Variants in AFG2A observed in about 807,000 individuals in gnomAD.
The protein encoded by AFG2A is ATPase family gene 2 protein homolog A.
chr4:123,162,965 GTTATTATCTGAAAAGGTT>G, the AFG2A span, among the ~76,000 whole-genome samples: 3 of 152,252 alleles, frequency 2.0e-5, no homozygotes, highest in African/African-American at 7.2e-5. Context: ...AATTATTAAT[GTTATTATCTGAAAAGGTT>G]TTAACAAGCA....
At chr4:123,000,346 A>G in the AFG2A span, among the ~76,000 whole-genome samples, 1 of 150,740 alleles carries the variant, frequency 6.6e-6, no homozygotes, top group Non-Finnish European at 1.5e-5. Flanking sequence ...ACTATGTTGA[A>G]TAGGAGTGGT....
At chr4:123,011,301 G>A in the AFG2A span, among the ~76,000 whole-genome samples, 1 of 152,202 alleles carries the variant, frequency 6.6e-6, no homozygotes, top group African/African-American at 2.4e-5. Flanking sequence ...TCTTGGCAGA[G>A]TAGGCTTTTT....
chr4:123,268,672 T>A, the AFG2A span, among the ~76,000 whole-genome samples: 1 of 152,140 alleles, frequency 6.6e-6, no homozygotes, highest in African/African-American at 2.4e-5. Flanking sequence ...AACCATGAAA[T>A]CATATGTGAA....
chr4:123,272,403 T>G, the AFG2A span, among the ~76,000 whole-genome samples: 1 of 152,226 alleles, frequency 6.6e-6, no homozygotes, highest in African/African-American at 2.4e-5. Flanking sequence ...ATTTGCTGTT[T>G]ACCAATATGA....
At chr4:123,152,917 C>G in the AFG2A span, among the ~76,000 whole-genome samples, 1 of 152,210 alleles carries the variant, frequency 6.6e-6, no homozygotes, top group Non-Finnish European at 1.5e-5. Flanking sequence ...ATTTCTTTAA[C>G]AGCGGTTATA....
At chr4:123,278,039 G>A in the AFG2A span, among the ~76,000 whole-genome samples, 3 of 152,252 alleles carry the variant, frequency 2.0e-5, no homozygotes, top group East Asian at 5.8e-4. Flanking sequence ...AATAGTTTCG[G>A]TAGGAATGGT....
At chr4:123,002,309 A>T in the AFG2A span, among the ~76,000 whole-genome samples, 29 of 152,066 alleles carry the variant, frequency 1.9e-4, 1 homozygote, top group South Asian at 5.8e-3. Flanking sequence ...TTTACATTTA[A>T]AGTTAATATC....
chr4:123,044,117 A>G, the AFG2A span, among the ~76,000 whole-genome samples: 2 of 119,450 alleles, frequency 1.7e-5, no homozygotes, highest in Non-Finnish European at 4.2e-5. Context: ...TCTTGATCCC[A>G]CTTGTTTACA....
the AFG2A span, among the ~76,000 whole-genome samples, chr4:123,163,473 CT>C: frequency 1.3e-5 from 2 of 152,112 alleles, no homozygotes; most frequent in African/African-American, 2.4e-5. Context: ...CCAACACTGC[CT>C]GTCTACTCCA....
At chr4:122,923,157 G>A in the AFG2A span, 1 of 1,614,216 alleles carries the variant, frequency 6.2e-7, no homozygotes, top group Admixed American at 1.7e-5. Flanking sequence ...CTTCCAAGAA[G>A]AATAGAAAGC....
chr4:123,220,743 T>A, the AFG2A span, among the ~76,000 whole-genome samples: 2 of 152,320 alleles, frequency 1.3e-5, no homozygotes, highest in South Asian at 2.1e-4. Context: ...ATTCTTGTGT[T>A]ATTAATGAGC....
the AFG2A span, chr4:122,934,138 T>G: frequency 1.2e-6 from 2 of 1,613,816 alleles, no homozygotes; most frequent in Non-Finnish European, 1.7e-6. Context: ...GTATTGTACA[T>G]TCTATGGACG....
chr4:123,188,971 G>GA, the AFG2A span, among the ~76,000 whole-genome samples: 3 of 152,144 alleles, frequency 2.0e-5, no homozygotes, highest in East Asian at 5.8e-4. Flanking sequence ...TCTCACAATT[G>GA]AAAAGCAACT....
the AFG2A span, among the ~76,000 whole-genome samples, chr4:123,021,357 T>A: frequency 6.6e-6 from 1 of 152,122 alleles, no homozygotes; most frequent in Non-Finnish European, 1.5e-5. Context: ...CAAACAGTCT[T>A]CACCAAGAAG....
the AFG2A span, among the ~76,000 whole-genome samples, chr4:123,050,036 A>G: frequency 6.6e-6 from 1 of 152,060 alleles, no homozygotes; most frequent in African/African-American, 2.4e-5. Flanking sequence ...AAGAAATTTT[A>G]AAATTTTCTT....
the AFG2A span, among the ~76,000 whole-genome samples, chr4:122,937,454 G>T: frequency 2.0e-5 from 3 of 152,060 alleles, no homozygotes; most frequent in Admixed American, 6.6e-5. Context: ...CTCCCAAAAT[G>T]CTGGCTGTCT....
the AFG2A span, among the ~76,000 whole-genome samples, chr4:123,032,014 T>A: frequency 6.6e-6 from 1 of 152,354 alleles, no homozygotes; most frequent in African/African-American, 2.4e-5. Context: ...CTCTTGCTTT[T>A]GTCTGGAGTG....
chr4:123,090,518 A>T, the AFG2A span: 8 of 1,569,598 alleles, frequency 5.1e-6, no homozygotes, highest in Non-Finnish European at 6.9e-6. Flanking sequence ...TTTAAAAATT[A>T]ATAGATAATA....
chr4:123,161,970 C>G, the AFG2A span, among the ~76,000 whole-genome samples: 1 of 151,602 alleles, frequency 6.6e-6, no homozygotes, highest in Non-Finnish European at 1.5e-5. Flanking sequence ...CAGGATTTGA[C>G]GGGGAGGGAG....
Sources: allele counts gnomAD v4.1 joint callset (sites outside exome capture counted in the v4.1 genomes callset), GRCh38; gene constraint gnomAD v4.1.1; transcripts MANE v1.5; gene names NCBI Gene and HGNC (gene_info 2026-07-23, HGNC 2026-07-21).